The following LRCH3 variants were observed in gnomAD, a reference collection of about 807,000 sequenced individuals.
LRCH3 encodes the protein leucine rich repeats and calponin homology domain containing 3, also known as DISP complex protein LRCH3.
A neutral mutation model predicts 104.5 loss-of-function variants in LRCH3; 68 were observed. The observed-to-expected ratio is 0.65, with a 90% CI of 0.54 to 0.80. The LOEUF is 0.80. Ranked by LOEUF, LRCH3 falls within the 30% of genes least tolerant of loss-of-function variation. The pLI, the probability that LRCH3 is intolerant of heterozygous loss-of-function variation, is 0.00. For missense variants in LRCH3, 951 were observed against 953.9 expected, an observed-to-expected ratio of 1.00 and a Z score of 0.04; for synonymous variants, 344 against 361.3, an observed-to-expected ratio of 0.95 and a Z score of 0.54.
chr3:197,806,726 A>G (rs975286553), intron 1 of LRCH3, among the ~76,000 whole-genome samples: 4 of 150,016 alleles, frequency 2.7e-5, no homozygotes, highest in African/African-American at 9.8e-5. Context: ...TAAAAATACA[A>G]AATTAGTTTG....
intron 3 of LRCH3, among the ~76,000 whole-genome samples, chr3:197,819,865 T>TC (rs1272318383): frequency 2.0e-5 from 3 of 152,184 alleles, no homozygotes; most frequent in African/African-American, 7.2e-5. Context: ...CTCTTTTTAT[T>TC]CTTTTTTCTT....
chr3:197,870,389 G>A (rs578167707), intron 18 of LRCH3, 111 bp downstream of exon 18: 7 of 1,046,378 alleles, frequency 6.7e-6, no homozygotes, highest in East Asian at 2.8e-5. Context: ...TTTTTTAGAC[G>A]GAGTCTCACT....
rs74483023 is a variant in LRCH3 at position 197,847,807 on chromosome 3, T to A, written c.1381-65T>A. ...GGTCAACAGTAGTTCCCTAAATTGA[T>A]AGGGAATATTGGTAACGTGATCCTC... is the stretch of plus-strand genomic sequence containing the variant. On this transcript the variant is annotated intron_variant, in intron 11 of 20. Transcript: ENST00000425562. 2,160 of 1,545,608 alleles carry A rather than the reference T, an allele frequency of 1.4e-3. 26 individuals are homozygous for A. In the African/African-American group the frequency reaches 0.026, roughly 18 times the overall value.
At chr3:197,882,348 A>G (rs1372969741) in intron 20 of LRCH3, 2 of 985,212 alleles carry the variant, frequency 2.0e-6, no homozygotes, top group African/African-American at 3.5e-5. Context: ...TATTTCTACA[A>G]AGTTGCTAGT....
At chr3:197,862,355 C>A (rs999848361) in intron 15 of LRCH3, among the ~76,000 whole-genome samples, 1 of 152,130 alleles carries the variant, frequency 6.6e-6, no homozygotes, top group Non-Finnish European at 1.5e-5. Context: ...TGTTTCAGCT[C>A]TTCTCATCTC....
At chr3:197,832,027 G>A (rs940656840) in intron 7 of LRCH3, among the ~76,000 whole-genome samples, 170 bp from the exon 8 acceptor site, 21 of 151,992 alleles carry the variant, frequency 1.4e-4, no homozygotes, top group African/African-American at 3.6e-4. Flanking sequence ...CGATCGTCTC[G>A]CCTCAACATC....
At position 197,851,815 on chromosome 3, in the gene LRCH3, GA is replaced by G. The variant is rs958540850; in HGVS notation, c.1531-738del. Among the ~76,000 whole-genome samples the G allele has an allele frequency of 2.1e-3, 319 of 151,950 alleles. 2 individuals are homozygous for G. The highest frequency in any genetic ancestry group is 7.5e-3 in the African/African-American group (309 of 41,398). On this transcript the variant is annotated intron_variant, in intron 12 of 20. Coordinates refer to ENST00000425562, the MANE Select transcript of LRCH3 (RefSeq NM_001365715.1). The stretch of plus-strand genomic sequence containing the variant: ...TGGTGAATAAATCACTGAAGAGGGT[GA>G]AAAAAAAGAAGCTCCCAAAGCAAGG...
intron 12 of LRCH3, chr3:197,850,351 C>CTTTTTTTTTTTTT: frequency 6.5e-6 from 4 of 618,704 alleles, no homozygotes; most frequent in Admixed American, 3.0e-5. Context: ...ACCATTTTTT[C>CTTTTTTTTTTTTT]TTTTTTTTTT....
At chr3:197,827,950 G>A (rs1263297098) in intron 5 of LRCH3, among the ~76,000 whole-genome samples, 3 of 151,842 alleles carry the variant, frequency 2.0e-5, no homozygotes, top group Non-Finnish European at 2.9e-5. Context: ...GGTGGTGGGC[G>A]CCTGTAGTCC....
At chr3:197,817,037 G>A (rs910272003) in intron 2 of LRCH3, 139 bp from the exon 3 acceptor site, 10 of 643,086 alleles carry the variant, frequency 1.6e-5, no homozygotes, top group East Asian at 3.3e-5. Context: ...CCAGTAAAAC[G>A]AAGGCTAGAA....
intron 8 of LRCH3, 49 bp from the exon 9 acceptor site, chr3:197,835,624 GT>G (rs753448000): frequency 4.3e-6 from 6 of 1,399,766 alleles, no homozygotes; most frequent in Non-Finnish European, 5.7e-6. Flanking sequence ...TAATTTGAAT[GT>G]TTTTTTCTGG....
chr3:197,813,111 A>G (rs1210243983), intron 1 of LRCH3, among the ~76,000 whole-genome samples: 1 of 152,158 alleles, frequency 6.6e-6, no homozygotes, highest in Non-Finnish European at 1.5e-5. Flanking sequence ...TTGAGTACGT[A>G]GTGGCTGCAT....
intron 8 of LRCH3, among the ~76,000 whole-genome samples, chr3:197,835,457 G>C (rs1235727413): frequency 6.8e-6 from 1 of 146,568 alleles, no homozygotes; most frequent in Non-Finnish European, 1.5e-5. Context: ...AAAGTGCTGG[G>C]ATTACAGGCG....
chr3:197,815,035 A>C lies in LRCH3; in HGVS notation c.390A>C (p.Leu130=), dbSNP rs756337595. 41 of 1,506,780 alleles carry C rather than the reference A, an allele frequency of 2.7e-5. No homozygotes were observed. Among genetic ancestry groups the C allele is most frequent in the Non-Finnish European group, 3.6e-5 (40 of 1,107,414 alleles). 93.3% of individuals were successfully genotyped at this position (1,506,780 alleles called of 1,614,324 possible). The change falls in exon 2 of 21, where the codon CTA becomes CTC. Residue 130 remains leucine, a synonymous_variant. Coordinates refer to ENST00000425562, the MANE Select transcript of LRCH3 (RefSeq NM_001365715.1). ...AGGCAATTTTAAACCTACAAGCTCT[A>C]ACATTCTTAAATATTAGGTAAGAAT... ...IPEAILNLQA[L]TFLNISRNQL... is the part of the protein sequence containing the mutation.
chr3:197,882,131 C>T, intron 20 of LRCH3: 1 of 985,406 alleles, frequency 1.0e-6, no homozygotes, highest in Non-Finnish European at 1.2e-6. Context: ...GAACACACGG[C>T]ACTCCCTCTA....
intron 1 of LRCH3, among the ~76,000 whole-genome samples, chr3:197,791,993 T>C (rs939569488): frequency 6.6e-6 from 1 of 151,982 alleles, no homozygotes; most frequent in Non-Finnish European, 1.5e-5. Flanking sequence ...TGGAGTTTTT[T>C]CGAAAGAAGT....
intron 10 of LRCH3, among the ~76,000 whole-genome samples, chr3:197,839,639 T>C (rs1263880494): frequency 1.3e-5 from 2 of 152,132 alleles, no homozygotes; most frequent in African/African-American, 4.8e-5. Flanking sequence ...TTAGTAGCAA[T>C]GAGATTTTGT....
Position 197,791,307 on chromosome 3 carries a change from C to T in LRCH3, c.29C>T (p.Ala10Val), listed in dbSNP as rs961094957. ...GCGGCCGCGGGCTTGGTCGCTGTGG[C>T]AGCGGCTGCCGAGTACTCTGGCACG... Reference protein sequence around the residue: MAAAGLVAVAAAAEYSGTVA... With the variant: MAAAGLVAVVAAAEYSGTVA... Residue 10 changes from alanine (A) to valine (V), a missense_variant, in exon 1 of 21, where the codon GCA becomes GTA. Ala to Val is a moderately conservative substitution (Grantham distance 64). Coordinates refer to ENST00000425562, the MANE Select transcript of LRCH3 (RefSeq NM_001365715.1). 10 of 1,608,822 alleles carry T rather than the reference C, an allele frequency of 6.2e-6. No individual in the cohort carries two copies. Among genetic ancestry groups the T allele is most frequent in the Middle Eastern group, 1.7e-4 (1 of 6,046 alleles).
intron 9 of LRCH3, among the ~76,000 whole-genome samples, chr3:197,837,101 G>A (rs1336647689): frequency 1.3e-5 from 2 of 152,104 alleles, no homozygotes; most frequent in Non-Finnish European, 2.9e-5. Flanking sequence ...AATTAGATAA[G>A]TCAAAGTCCT....
Sources: allele counts gnomAD v4.1 joint callset (sites outside exome capture counted in the v4.1 genomes callset), GRCh38; gene constraint gnomAD v4.1.1; transcripts MANE v1.5; gene names NCBI Gene and HGNC (gene_info 2026-07-23, HGNC 2026-07-21).